ST6GALNAC5: variants seen among roughly 807,000 people sequenced by gnomAD.
ST6GALNAC5 encodes the protein alpha-N-acetylgalactosaminide alpha-2,6-sialyltransferase 5.
ST6GALNAC5 carries 27 observed loss-of-function variants against 33.6 expected under a neutral mutation model. That is an observed-to-expected ratio of 0.80 (90% CI 0.59 to 1.11). The LOEUF is 1.11. ST6GALNAC5 is among the 50% of genes least tolerant of loss of function. The probability of loss-of-function intolerance (pLI) is 0.00; values close to 1 mark genes in which losing one functional copy is unlikely to be tolerated. For synonymous variants in ST6GALNAC5, 194 were observed against 171.2 expected (o/e 1.13, Z -1.04); for missense variants, 428 against 454.0 (o/e 0.94, Z 0.52).
intron 2 of ST6GALNAC5, chr1:76,871,182 G>A (rs370911397): frequency 1.3e-4 from 20 of 152,192 alleles, no homozygotes; most frequent in East Asian, 1.2e-3. Context: ...ATTATGACAG[G>A]GGAGGGTAAG....
chr1:77,033,998 G>A lies in ST6GALNAC5; in HGVS notation c.262-10206G>A, dbSNP rs113514517. 1.5e-3 allele frequency among the ~76,000 whole-genome samples: 228 copies of A among 152,276 alleles called. No individual in the cohort carries two copies. The East Asian group carries it at 0.023, about 15-fold the overall frequency. On this transcript the variant is annotated intron_variant, in intron 2 of 4. Transcript: ENST00000477717. ...GACAAAGGAGGAGAACTGCAAAGTC[G>A]AGGCACTGGTGGGAGGGTGTTAGGC...
chr1:76,882,245 A>G (rs1653796964), intron 2 of ST6GALNAC5, among the ~76,000 whole-genome samples: 1 of 152,202 alleles, frequency 6.6e-6, no homozygotes, highest in Non-Finnish European at 1.5e-5. Flanking sequence ...AAACCAGAGT[A>G]GATTTTTGCC....
intron 2 of ST6GALNAC5, among the ~76,000 whole-genome samples, chr1:77,023,444 G>A (rs575045659): frequency 2.4e-4 from 37 of 152,264 alleles, no homozygotes; most frequent in Admixed American, 6.5e-5. Context: ...ACTGGAACCC[G>A]GTAAGCACCA....
At chr1:77,050,225 C>T in intron 3 of ST6GALNAC5, 33 bp from the exon 4 acceptor site, 2 of 1,591,280 alleles carry the variant, frequency 1.3e-6, no homozygotes, top group Non-Finnish European at 1.7e-6. Flanking sequence ...GGTTACTTTA[C>T]CAGCTTGCAG....
chr1:76,982,194 G>T (rs536411718), intron 2 of ST6GALNAC5, among the ~76,000 whole-genome samples: 14 of 152,050 alleles, frequency 9.2e-5, no homozygotes, highest in Non-Finnish European at 1.8e-4. Context: ...TCTTCAGAAG[G>T]TCGGTAATAA....
At chr1:76,924,911 T>C (rs113411294) in intron 2 of ST6GALNAC5, among the ~76,000 whole-genome samples, 2,437 of 152,218 alleles carry the variant, frequency 0.016, 64 homozygotes, top group African/African-American at 0.055. Context: ...GTTTTTGTAA[T>C]ACTATAAAGG....
chr1:76,909,533 G>A (rs939084029), intron 2 of ST6GALNAC5, among the ~76,000 whole-genome samples: 2 of 152,026 alleles, frequency 1.3e-5, no homozygotes, highest in Non-Finnish European at 2.9e-5. Context: ...GTGTCAAAAT[G>A]TTAATTTTTC....
intron 2 of ST6GALNAC5, among the ~76,000 whole-genome samples, chr1:76,933,021 G>T (rs1055088419): frequency 1.3e-5 from 2 of 151,986 alleles, no homozygotes; most frequent in Admixed American, 6.6e-5. Flanking sequence ...ATCCCTCATC[G>T]TTCTCTGAGA....
At position 76,917,765 on chromosome 1, in the gene ST6GALNAC5, G is replaced by A. The variant is rs950700885; in HGVS notation, c.261+49023G>A. On this transcript the variant is annotated intron_variant, in intron 2 of 4. Coordinates refer to ENST00000477717, the MANE Select transcript of ST6GALNAC5 (RefSeq NM_030965.3). Reference sequence around the variant, plus strand: ...GTCTCCAGGCTGGAGACCCAGGCAAGCCAGTGGTATAAGTTCTGATACAAA... The same window carrying A: ...GTCTCCAGGCTGGAGACCCAGGCAAACCAGTGGTATAAGTTCTGATACAAA... Among the ~76,000 whole-genome samples the A allele has an allele frequency of 3.3e-5, 5 of 152,206 alleles. No homozygotes were observed. In the East Asian group the frequency reaches 5.8e-4, roughly 18 times the overall value.
chr1:77,014,595 A>G (rs556310878), intron 2 of ST6GALNAC5, among the ~76,000 whole-genome samples: 3 of 152,240 alleles, frequency 2.0e-5, no homozygotes, highest in Non-Finnish European at 4.4e-5. Context: ...AGCTTCTGAA[A>G]CCAATCACCG....
At chr1:76,988,831 T>A (rs1390766048) in intron 2 of ST6GALNAC5, among the ~76,000 whole-genome samples, 1 of 152,178 alleles carries the variant, frequency 6.6e-6, no homozygotes, top group Non-Finnish European at 1.5e-5. Flanking sequence ...ACTTATTGAT[T>A]GACTGAATTT....
intron 3 of ST6GALNAC5, among the ~76,000 whole-genome samples, chr1:77,049,418 C>A (rs1652143029): frequency 6.6e-6 from 1 of 152,106 alleles, no homozygotes; most frequent in Non-Finnish European, 1.5e-5. Context: ...AAATTAATAT[C>A]CACAGTAGTG....
intron 2 of ST6GALNAC5, among the ~76,000 whole-genome samples, chr1:77,026,340 G>C (rs955884357): frequency 6.6e-6 from 1 of 152,122 alleles, no homozygotes; most frequent in African/African-American, 2.4e-5. Flanking sequence ...CACCTATCCT[G>C]CTGTCTCCAT....
intron 2 of ST6GALNAC5, among the ~76,000 whole-genome samples, chr1:77,011,204 C>T (rs1650623014): frequency 6.6e-6 from 1 of 152,162 alleles, no homozygotes; most frequent in South Asian, 2.1e-4. Context: ...CTAATGAGAG[C>T]TTTTGGCCGT....
chr1:77,000,978 C>CT (rs1221706188), intron 2 of ST6GALNAC5, among the ~76,000 whole-genome samples: 2 of 151,048 alleles, frequency 1.3e-5, no homozygotes, highest in Non-Finnish European at 3.0e-5. Context: ...GATGCGGGCT[C>CT]TTTTTTGGTT....
chr1:77,023,333 C>T (rs1651121452), intron 2 of ST6GALNAC5, among the ~76,000 whole-genome samples: 1 of 152,180 alleles, frequency 6.6e-6, no homozygotes, highest in African/African-American at 2.4e-5. Context: ...AACTAAAACC[C>T]CCTTGCACAT....
At chr1:77,041,791 A>G (rs1198131324) in intron 2 of ST6GALNAC5, among the ~76,000 whole-genome samples, 1 of 152,196 alleles carries the variant, frequency 6.6e-6, no homozygotes, top group Non-Finnish European at 1.5e-5. Flanking sequence ...ATCTATTTCA[A>G]ATGATCCTCC....
chr1:77,002,407 G>C (rs1650208314), intron 2 of ST6GALNAC5, among the ~76,000 whole-genome samples: 1 of 152,068 alleles, frequency 6.6e-6, no homozygotes, highest in African/African-American at 2.4e-5. Context: ...CTTGATAGCG[G>C]TCTGTAAATT....
At chr1:76,873,833 T>C (rs182922510) in intron 2 of ST6GALNAC5, among the ~76,000 whole-genome samples, 27 of 152,320 alleles carry the variant, frequency 1.8e-4, no homozygotes, top group Non-Finnish European at 3.7e-4. Flanking sequence ...AATTCATTTC[T>C]AGGTTTTTGA....
Sources: gnomAD v4.1 joint callset for allele counts (sites outside exome capture counted in the v4.1 genomes callset) on GRCh38, gnomAD v4.1.1 for gene constraint, MANE v1.5 for transcripts, NCBI Gene and HGNC (gene_info 2026-07-23, HGNC 2026-07-21) for gene names.